The following ZNRF2 variants were observed in gnomAD, a reference collection of about 807,000 sequenced individuals.
ZNRF2 encodes the protein zinc and ring finger 2.
In ZNRF2, 16 loss-of-function variants were observed where a neutral mutation model predicts 20.4. The observed-to-expected ratio is 0.79, with a 90% confidence interval of 0.53 to 1.19. The LOEUF (loss-of-function observed/expected upper bound fraction) is 1.19. Among genes scored for constraint, ZNRF2 ranks in the 50% most tolerant of loss-of-function variants. The pLI, the probability that ZNRF2 is intolerant of heterozygous loss-of-function variation, is 0.00. For synonymous variants in ZNRF2, 178 were observed against 144.9 expected (o/e 1.23, Z -1.64); for missense variants, 363 against 332.4 (o/e 1.09, Z -0.72).
intron 2 of ZNRF2, among the ~76,000 whole-genome samples, chr7:30,345,051 G>C (rs1418172888): frequency 2.0e-5 from 3 of 152,112 alleles, no homozygotes; most frequent in Admixed American, 2.0e-4. Context: ...GGTTGAAATT[G>C]TGTTGATTTT....
intron 2 of ZNRF2, among the ~76,000 whole-genome samples, chr7:30,352,285 G>A (rs1173122472): frequency 6.6e-6 from 1 of 152,004 alleles, no homozygotes. Flanking sequence ...TCGCATTTGT[G>A]AGGCAGGCAT....
At chr7:30,350,140 T>C (rs554285099) in intron 2 of ZNRF2, among the ~76,000 whole-genome samples, 6 of 152,152 alleles carry the variant, frequency 3.9e-5, no homozygotes, top group African/African-American at 1.4e-4. Flanking sequence ...AAGAAAGCTA[T>C]GTCTAGGTGT....
At chr7:30,335,654 G>A (rs959573040) in intron 2 of ZNRF2, among the ~76,000 whole-genome samples, 6 of 152,068 alleles carry the variant, frequency 3.9e-5, no homozygotes, top group African/African-American at 9.7e-5. Context: ...GGGAGGCCAC[G>A]TTTAGAGATA....
rs1239798095 is a variant in ZNRF2 at position 30,323,670 on chromosome 7, T to G, written c.498T>G (p.Phe166Leu). Residue 166 changes from phenylalanine to leucine, a missense_variant, in exon 2 of 5, where the codon TTT (phenylalanine) becomes TTG (leucine). Coordinates refer to ENST00000323037, the MANE Select transcript of ZNRF2 (RefSeq NM_147128.4). Reference protein sequence around the residue: ...GGFKCPVCSKFVSSDEMDLHL... With the variant: ...GGFKCPVCSKLVSSDEMDLHL... ...TTAAGTGCCCTGTATGCTCAAAATT[T>G]GTATCCTCAGATGAAATGGATTTGC... The G allele has an allele frequency of 1.2e-6, 2 of 1,600,706 alleles. No individual in the cohort carries two copies. Among genetic ancestry groups the G allele is most frequent in the African/African-American group, 1.3e-5 (1 of 74,180 alleles).
intron 1 of ZNRF2, among the ~76,000 whole-genome samples, chr7:30,315,456 G>C (rs911915259): frequency 4.6e-5 from 7 of 152,070 alleles, no homozygotes; most frequent in African/African-American, 1.7e-4. Context: ...CCCTAGTCCT[G>C]ACTAGTTTTA....
rs975888186 is a variant in ZNRF2, at chr7:30,346,903, T to C, written c.566-8825T>C. On this transcript the variant is annotated intron_variant, in intron 2 of 4. Coordinates refer to ENST00000323037, the MANE Select transcript of ZNRF2 (RefSeq NM_147128.4). ...TTTTATTAATGATTTTTGGTTTCTTTGGAGTTACTTACATGATATTTATTC... is the reference window on the plus strand; with the variant it reads ...TTTTATTAATGATTTTTGGTTTCTTCGGAGTTACTTACATGATATTTATTC... Among the ~76,000 whole-genome samples, 28 of 152,198 alleles carry C rather than the reference T, an allele frequency of 1.8e-4. 1 individual carries two copies. The highest frequency in any genetic ancestry group is 1.7e-3 in the Admixed American group (26 of 15,274).
At chr7:30,332,697 A>T (rs768311144) in intron 2 of ZNRF2, among the ~76,000 whole-genome samples, 13 of 152,038 alleles carry the variant, frequency 8.6e-5, no homozygotes. Context: ...GCTGCAAATG[A>T]TATTGTTTCA....
chr7:30,323,146 G>T (rs1399002141), intron 1 of ZNRF2, among the ~76,000 whole-genome samples: 2 of 152,078 alleles, frequency 1.3e-5, no homozygotes, highest in Non-Finnish European at 1.5e-5. Context: ...ACCTGTTTTT[G>T]CTGTTCTGAA....
intron 1 of ZNRF2, among the ~76,000 whole-genome samples, chr7:30,310,594 T>C (rs971013520): frequency 2.0e-5 from 3 of 152,188 alleles, no homozygotes; most frequent in Admixed American, 2.0e-4. Flanking sequence ...TGCCATAGCA[T>C]TTTCTTTTTT....
At chr7:30,315,234 T>C (rs995383535) in intron 1 of ZNRF2, among the ~76,000 whole-genome samples, 2 of 152,218 alleles carry the variant, frequency 1.3e-5, no homozygotes, top group African/African-American at 4.8e-5. Context: ...TGTTTTGTTT[T>C]GGTATTTTGG....
intron 1 of ZNRF2, among the ~76,000 whole-genome samples, chr7:30,286,969 G>A (rs1798802221): frequency 6.6e-6 from 1 of 152,142 alleles, no homozygotes; most frequent in African/African-American, 2.4e-5. Flanking sequence ...TGTACTATCA[G>A]CACACACGCC....
At chr7:30,310,598 C>T (rs1799277045) in intron 1 of ZNRF2, among the ~76,000 whole-genome samples, 1 of 152,014 alleles carries the variant, frequency 6.6e-6, no homozygotes, top group African/African-American at 2.4e-5. Flanking sequence ...ATAGCATTTT[C>T]TTTTTTAAAA....
intron 4 of ZNRF2, 147 bp downstream of exon 4, chr7:30,362,603 A>C: frequency 2.2e-6 from 1 of 455,454 alleles, no homozygotes; most frequent in Admixed American, 3.7e-5. Flanking sequence ...GAAAACTTAC[A>C]TTAAAAATAT....
intron 1 of ZNRF2, among the ~76,000 whole-genome samples, chr7:30,296,674 A>G (rs923632199): frequency 5.9e-5 from 9 of 152,306 alleles, no homozygotes; most frequent in Middle Eastern, 6.8e-3. Context: ...GTTCCTTAAT[A>G]ACTCCTTTTG....
At chr7:30,297,958 G>T (rs544387547) in intron 1 of ZNRF2, among the ~76,000 whole-genome samples, 1 of 152,008 alleles carries the variant, frequency 6.6e-6, no homozygotes, top group African/African-American at 2.4e-5. Context: ...TTGAACTCCT[G>T]GGCTCAAGTG....
Position 30,285,374 on chromosome 7 carries a change from GC to G in ZNRF2, c.18del (p.Ser6ArgfsTer137). The G allele has an allele frequency of 8.2e-7, 1 of 1,222,844 alleles. No homozygotes were observed. Among genetic ancestry groups the G allele is most frequent in the Non-Finnish European group, 1.0e-6 (1 of 965,852 alleles). The allele number at this position is 1,222,844 out of a possible 1,614,324, so 75.7% of individuals were successfully genotyped here. On this transcript the variant is annotated frameshift_variant, in exon 1 of 5. Coordinates refer to ENST00000323037, the MANE Select transcript of ZNRF2 (RefSeq NM_147128.4). LOFTEE classifies it high-confidence loss of function. ...AGGGCGGACATGGGCGCCAAACAGA[GC>G]GGCCCGGCCGCCGCTAACGGCCGCA... MGAKQ[S>X]GPAAANGRTR... is the part of the protein sequence containing the mutation.
intron 2 of ZNRF2, among the ~76,000 whole-genome samples, chr7:30,343,822 A>G (rs1361071559): frequency 2.1e-5 from 3 of 146,228 alleles, no homozygotes; most frequent in Admixed American, 6.8e-5. Flanking sequence ...GGTTTAGCCC[A>G]TTTATATTTC....
intron 1 of ZNRF2, among the ~76,000 whole-genome samples, chr7:30,312,399 G>T (rs1045293734): frequency 2.6e-5 from 4 of 152,154 alleles, no homozygotes; most frequent in Non-Finnish European, 5.9e-5. Flanking sequence ...GTATGTGTGT[G>T]TGGAAAGTGA....
At chr7:30,297,441 A>G (rs1291840217) in intron 1 of ZNRF2, among the ~76,000 whole-genome samples, 2 of 152,186 alleles carry the variant, frequency 1.3e-5, no homozygotes, top group Admixed American at 6.5e-5. Context: ...GAATATGTGT[A>G]AGGTAAAATT....
Sources: allele counts gnomAD v4.1 joint callset (sites outside exome capture counted in the v4.1 genomes callset), GRCh38; gene constraint gnomAD v4.1.1; transcripts MANE v1.5; gene names NCBI Gene and HGNC (gene_info 2026-07-23, HGNC 2026-07-21).